RABGAP1L: variants seen among roughly 807,000 people sequenced by gnomAD.
The protein encoded by RABGAP1L is RAB GTPase activating protein 1 like, also known as rab GTPase-activating protein 1-like.
Under a neutral mutation model 137.7 loss-of-function variants are expected in RABGAP1L, and 63 were observed. The ratio of observed to expected loss-of-function variants is 0.46; its 90% CI spans 0.37 to 0.56. RABGAP1L has a LOEUF of 0.56. Among genes scored for constraint, RABGAP1L ranks in the 20% least tolerant of loss-of-function variants. RABGAP1L has a pLI of 0.00. For missense variants in RABGAP1L, 1,095 were observed against 1,244.0 expected (o/e 0.88, Z 1.80); for synonymous variants, 431 against 433.7 (o/e 0.99, Z 0.08).
intron 14 of RABGAP1L, 95 bp downstream of exon 14, chr1:174,637,583 T>C: frequency 1.2e-6 from 1 of 855,628 alleles, no homozygotes. Flanking sequence ...TCATTTCTTA[T>C]TTGCACTATG....
At chr1:174,258,613 A>G (rs1673316444) in intron 7 of RABGAP1L, among the ~76,000 whole-genome samples, 1 of 152,068 alleles carries the variant, frequency 6.6e-6, no homozygotes, top group African/African-American at 2.4e-5. Context: ...CAAATCTTTA[A>G]TAACTGCTGC....
intron 19 of RABGAP1L, among the ~76,000 whole-genome samples, chr1:174,944,147 C>A (rs1233820551): frequency 6.6e-6 from 1 of 151,482 alleles, no homozygotes; most frequent in African/African-American, 2.4e-5. Flanking sequence ...GTGGTGTGCA[C>A]CTGTAATCCT....
intron 13 of RABGAP1L, among the ~76,000 whole-genome samples, chr1:174,414,612 T>C (rs1008616802): frequency 1.3e-5 from 2 of 152,154 alleles, no homozygotes; most frequent in Non-Finnish European, 1.5e-5. Context: ...TCCATGATTT[T>C]TTTTTAAAGG....
chr1:174,924,203 A>G (rs1339967071), intron 19 of RABGAP1L, among the ~76,000 whole-genome samples: 5 of 152,130 alleles, frequency 3.3e-5, no homozygotes, highest in Admixed American at 2.6e-4. Flanking sequence ...CCTGGCCAAC[A>G]TGGTGAAACC....
At chr1:174,777,794 A>G (rs138645549) in intron 18 of RABGAP1L, among the ~76,000 whole-genome samples, 228 of 152,340 alleles carry the variant, frequency 1.5e-3, no homozygotes, top group Non-Finnish European at 2.6e-3. Context: ...ACATTGCAGA[A>G]GAAAAGATTA....
chr1:174,467,884 T>C (rs1186714614), intron 13 of RABGAP1L, among the ~76,000 whole-genome samples: 3 of 152,162 alleles, frequency 2.0e-5, no homozygotes, highest in African/African-American at 7.2e-5. Context: ...TTTTTTGCTA[T>C]AGAAGATATT....
intron 11 of RABGAP1L, among the ~76,000 whole-genome samples, chr1:174,327,998 T>TACAC (rs1558136354): frequency 2.2e-5 from 2 of 90,144 alleles, no homozygotes; most frequent in African/African-American, 1.0e-4. Flanking sequence ...TATATATATA[T>TACAC]ATATATATAT....
chr1:174,556,738 T>C (rs1419522260), intron 13 of RABGAP1L, among the ~76,000 whole-genome samples: 1 of 152,212 alleles, frequency 6.6e-6, no homozygotes, highest in African/African-American at 2.4e-5. Context: ...AAGTTCAACT[T>C]TGGTGATGGC....
intron 19 of RABGAP1L, among the ~76,000 whole-genome samples, chr1:174,867,336 G>A (rs1344259992): frequency 8.0e-5 from 12 of 150,342 alleles, no homozygotes; most frequent in South Asian, 2.1e-4. Context: ...GGCCGAGATC[G>A]CGCCAAAAAA....
chr1:174,774,648 GGCAAGCGGATCGCTT>G (rs1476526807), intron 18 of RABGAP1L, among the ~76,000 whole-genome samples: 1 of 152,102 alleles, frequency 6.6e-6, no homozygotes, highest in Non-Finnish European at 1.5e-5. Flanking sequence ...GGCAGGGCAA[GGCAAGCGGATCGCTT>G]GAGTCTAGGA....
chr1:174,379,122 C>G (rs1246652325), intron 12 of RABGAP1L, among the ~76,000 whole-genome samples: 124 of 146,498 alleles, frequency 8.5e-4, no homozygotes, highest in African/African-American at 3.0e-3. Context: ...TTTCTGAGGG[C>G]TCTGTTCTGT....
At chr1:174,403,208 A>AGTATGT (rs1648819973) in intron 13 of RABGAP1L, among the ~76,000 whole-genome samples, 1 of 126,676 alleles carries the variant, frequency 7.9e-6, no homozygotes, top group Non-Finnish European at 1.6e-5. Flanking sequence ...TATATATGAG[A>AGTATGT]GTGTGTGTGT....
chr1:174,196,227 CTT>C (rs758258710), intron 1 of RABGAP1L, among the ~76,000 whole-genome samples: 9 of 140,994 alleles, frequency 6.4e-5, no homozygotes, highest in Admixed American at 7.1e-5. Flanking sequence ...TTCTTTCTTT[CTT>C]TTTTTTTTTT....
At chr1:174,464,811 C>G (rs915420378) in intron 13 of RABGAP1L, among the ~76,000 whole-genome samples, 1 of 150,826 alleles carries the variant, frequency 6.6e-6, no homozygotes, top group Non-Finnish European at 1.5e-5. Context: ...TTTTTTGAAT[C>G]TTTATGTATA....
At chr1:174,216,409 CATT>C (rs985232206) in intron 1 of RABGAP1L, among the ~76,000 whole-genome samples, 11 of 152,036 alleles carry the variant, frequency 7.2e-5, no homozygotes, top group African/African-American at 2.4e-4. Flanking sequence ...TCACATAACA[CATT>C]AATATATACA....
At chr1:174,282,812 C>G (rs1038884992) in intron 10 of RABGAP1L, among the ~76,000 whole-genome samples, 1 of 152,048 alleles carries the variant, frequency 6.6e-6, no homozygotes, top group Non-Finnish European at 1.5e-5. Context: ...CTTCCCACAC[C>G]TCTCTCATGT....
At chr1:174,790,709 C>T (rs77775729) in intron 18 of RABGAP1L, among the ~76,000 whole-genome samples, 2,024 of 151,318 alleles carry the variant, frequency 0.013, 19 homozygotes, top group Middle Eastern at 0.038. Context: ...TGAAGATTGG[C>T]GGCAAAAACG....
In RABGAP1L at chr1:174,231,193, A is replaced by G. The variant is rs1276112207; in HGVS notation, c.380A>G (p.Asp127Gly). Residue 127 changes from aspartate to glycine, a missense_variant, in exon 4 of 26, where the codon GAT (aspartate) becomes GGT (glycine). Asp to Gly is a moderately conservative substitution (Grantham distance 94, BLOSUM62 -1). Around this residue, in one of 4 missense-constraint regions of RABGAP1L, gnomAD observed 356 missense variants for 326.3 expected, o/e 1.09. Transcript: ENST00000681986. ...TCTCCAGGTGGACTACCTGAAGAAG[A>G]TAGTGTTTTATTTAATAAACTGACC... ...PSSPGGLPEE[D>G]SVLFNKLTYL... 1.2e-6 allele frequency: 2 copies of G among 1,613,634 alleles called. No individual in the cohort carries two copies. Among genetic ancestry groups the G allele is most frequent in the Non-Finnish European group, 1.7e-6 (2 of 1,179,784 alleles).
chr1:174,632,254 G>T (rs903834630), intron 13 of RABGAP1L, among the ~76,000 whole-genome samples: 4 of 144,922 alleles, frequency 2.8e-5, no homozygotes, highest in African/African-American at 1.1e-4. Flanking sequence ...GGTTTCTGCC[G>T]AGAGATCCGC....
Sources: allele counts gnomAD v4.1 joint callset (sites outside exome capture counted in the v4.1 genomes callset), GRCh38; gene constraint gnomAD v4.1.1; regional missense constraint gnomAD v4.1.1; transcripts MANE v1.5; gene names NCBI Gene and HGNC (gene_info 2026-07-23, HGNC 2026-07-21).